The following DLG5 variants were observed in gnomAD, a reference collection of about 807,000 sequenced individuals.
DLG5 encodes discs large MAGUK scaffold protein 5, also known as disks large homolog 5.
In DLG5, 48 loss-of-function variants were observed where a neutral mutation model predicts 189.8. The ratio of observed to expected loss-of-function variants is 0.25; its 90% confidence interval spans 0.20 to 0.32. The LOEUF (loss-of-function observed/expected upper bound fraction) is 0.32. Ranked by LOEUF, DLG5 falls within the 10% of genes least tolerant of loss-of-function variation. DLG5 has a pLI of 1.00. For synonymous variants in DLG5, 1,016 were observed against 1,054.1 expected (o/e 0.96, Z 0.70); for missense variants, 2,160 against 2,544.7 (o/e 0.85, Z 3.25).
In DLG5 at chr10:77,792,281, G is replaced by A. The variant is rs957350577; in HGVS notation, c.*159C>T. On this transcript the variant is annotated 3_prime_UTR_variant, in exon 32 of 32. Coordinates refer to ENST00000372391, the MANE Select transcript of DLG5 (RefSeq NM_004747.4). ...TGGGCCTGGATCGCACGCAGCCGTG[G>A]CCCTCTGTCTACAAAGGAGGTGCTT... The A allele has an allele frequency of 5.7e-6, 4 of 702,786 alleles. No individual in the cohort carries two copies. The African/African-American group carries it at 7.1e-5, about 12-fold the overall frequency. The allele number at this position is 702,786 out of a possible 1,614,324, so 43.5% of individuals were successfully genotyped here. A position where few individuals can be genotyped will look rare whatever the true frequency, so the allele number is the denominator to read the frequency against.
chr10:77,863,870 C>G (rs1324529578), intron 2 of DLG5, among the ~76,000 whole-genome samples: 1 of 152,162 alleles, frequency 6.6e-6, no homozygotes, highest in Admixed American at 6.5e-5. Context: ...GCTCTTTTCA[C>G]CCCCATTTTG....
chr10:77,802,518 AG>A (rs1449435352), intron 27 of DLG5, among the ~76,000 whole-genome samples: 2 of 152,388 alleles, frequency 1.3e-5, no homozygotes, highest in East Asian at 3.9e-4. Context: ...GAAATGTAAA[AG>A]GCAAAAACCG....
At chr10:77,822,469 C>T (rs1842418923) in intron 14 of DLG5, among the ~76,000 whole-genome samples, 1 of 152,056 alleles carries the variant, frequency 6.6e-6, no homozygotes, top group Admixed American at 6.5e-5. Flanking sequence ...TATGGTGAAA[C>T]CCCATCTATA....
chr10:77,880,848 C>A (rs1237022721), intron 1 of DLG5, among the ~76,000 whole-genome samples: 3 of 151,988 alleles, frequency 2.0e-5, no homozygotes, highest in African/African-American at 7.2e-5. Context: ...TATCAACTCA[C>A]CTTCTAGATG....
chr10:77,821,163 C>G lies in DLG5; in HGVS notation c.3321G>C (p.Gly1107=). 1 of 1,614,168 alleles carries G rather than the reference C, an allele frequency of 6.2e-7. No individual in the cohort carries two copies. The highest frequency in any genetic ancestry group is 8.5e-7 in the Non-Finnish European group (1 of 1,180,056). Reference sequence around the variant, plus strand: ...CAGATTTTGGCCGGCGACGCTTCTGCCCCAGCTCATCCACCTTCTGGGAGG... The same window carrying G: ...CAGATTTTGGCCGGCGACGCTTCTGGCCCAGCTCATCCACCTTCTGGGAGG... The part of the protein sequence containing the change: ...DLTSQKVDEL[G]QKRRRPKSAP... The change falls in exon 15 of 32, where the codon GGG becomes GGC. Residue 1107 remains glycine, a synonymous_variant. Coordinates refer to ENST00000372391, the MANE Select transcript of DLG5 (RefSeq NM_004747.4).
At chr10:77,807,650 G>A in intron 25 of DLG5, 146 bp downstream of exon 25, 1 of 933,902 alleles carries the variant, frequency 1.1e-6, no homozygotes, top group African/African-American at 1.7e-5. Context: ...ACATAAATAA[G>A]CGTGCAGATT....
At chr10:77,872,968 C>T (rs943834439) in intron 1 of DLG5, among the ~76,000 whole-genome samples, 2 of 151,636 alleles carry the variant, frequency 1.3e-5, no homozygotes, top group African/African-American at 4.9e-5. Context: ...TTCTCTACCT[C>T]ACAGAGTGCC....
At position 77,812,166 on chromosome 10, in the gene DLG5, G is replaced by A. The variant is rs746768365; in HGVS notation, c.4188+49C>T. On this transcript the variant is annotated intron_variant, in intron 21 of 31. Transcript: ENST00000372391. ...TTCCCTAGGAGGAGGAGAGGGGGAA[G>A]AAGTGCAGGTTTCCATGGGCGCCAT... 6 of 1,599,274 alleles carry A rather than the reference G, an allele frequency of 3.8e-6. No individual in the cohort carries two copies. In the South Asian group the frequency reaches 6.6e-5, roughly 18 times the overall value.
intron 5 of DLG5, among the ~76,000 whole-genome samples, chr10:77,848,501 A>G (rs1843800675): frequency 2.0e-5 from 3 of 152,170 alleles, no homozygotes. Context: ...TTCTACCTGT[A>G]AGGCTCAAAC....
At chr10:77,822,301 T>G (rs1024130197) in intron 14 of DLG5, among the ~76,000 whole-genome samples, 200 bp from the exon 15 acceptor site, 13 of 152,180 alleles carry the variant, frequency 8.5e-5, no homozygotes, top group Non-Finnish European at 1.6e-4. Flanking sequence ...ATGGCTCTGG[T>G]CACTCTGAAC....
chr10:77,934,597 G>T, the DLG5 span, among the ~76,000 whole-genome samples: 2 of 152,088 alleles, frequency 1.3e-5, no homozygotes, highest in African/African-American at 2.4e-5. Flanking sequence ...CCACATGCAA[G>T]GAGCTAAGAG....
chr10:77,904,932 C>A (rs1056307444), intron 1 of DLG5, among the ~76,000 whole-genome samples: 4 of 151,496 alleles, frequency 2.6e-5, no homozygotes, highest in African/African-American at 9.7e-5. Context: ...AGTTTGAGAC[C>A]AGCCTGACCA....
chr10:77,842,034 C>G lies in DLG5; in HGVS notation c.1284G>C (p.Val428=). ...TCATGATGAGCTTGTACTCGCTGTA[C>G]ACAGCGTCCCGCTCCTCCCTGTATT... The part of the protein sequence containing the change: ...SEKYREERDA[V]YSEYKLIMSE... Residue 428 remains valine, a synonymous_variant, in exon 7 of 32, where the codon GTG becomes GTC. Transcript: ENST00000372391. 1 of 1,614,218 alleles carries G rather than the reference C, an allele frequency of 6.2e-7. No individual in the cohort carries two copies. Among genetic ancestry groups the G allele is most frequent in the Non-Finnish European group, 8.5e-7 (1 of 1,180,054 alleles).
Position 77,878,110 on chromosome 10 carries a change from A to C in DLG5, c.305-8913T>G, listed in dbSNP as rs373572897. ...TCTGGCCCGGTGCTCAATTTCCACT[A>C]GTCAGTAAATGGAGAAGAGGCTGCC... On this transcript the variant is annotated intron_variant, in intron 1 of 31. Transcript: ENST00000372391. Among the ~76,000 whole-genome samples, 17 of 152,128 alleles carry C rather than the reference A, an allele frequency of 1.1e-4. No individual in the cohort carries two copies. The East Asian group carries it at 1.9e-3, about 17-fold the overall frequency.
chr10:77,899,189 GCCAGGCAGCCAT>G (rs1362413846), intron 1 of DLG5, among the ~76,000 whole-genome samples: 1 of 152,156 alleles, frequency 6.6e-6, no homozygotes, highest in East Asian at 1.9e-4. Flanking sequence ...CAGCATCCAG[GCCAGGCAGCCAT>G]CCAGGCCCTC....
intron 3 of DLG5, among the ~76,000 whole-genome samples, chr10:77,855,070 ACT>A (rs1168327761): frequency 6.6e-6 from 1 of 152,166 alleles, no homozygotes; most frequent in Non-Finnish European, 1.5e-5. Context: ...TAGAACAATG[ACT>A]CTCAATCTTG....
intron 1 of DLG5, among the ~76,000 whole-genome samples, chr10:77,907,415 T>TA (rs1846098486): frequency 2.0e-5 from 3 of 152,000 alleles, no homozygotes. Context: ...CCTGTCTCTA[T>TA]AAAAAATACA....
At chr10:77,939,405 G>T in the DLG5 span, among the ~76,000 whole-genome samples, 2 of 152,154 alleles carry the variant, frequency 1.3e-5, no homozygotes, top group Non-Finnish European at 2.9e-5. Flanking sequence ...GAAGAGACGG[G>T]TGTAGCTTGG....
At chr10:77,871,975 C>A (rs901913194) in intron 1 of DLG5, among the ~76,000 whole-genome samples, 10 of 152,200 alleles carry the variant, frequency 6.6e-5, no homozygotes, top group African/African-American at 2.4e-4. Context: ...GAACCCAACA[C>A]AATGCCTATT....
Sources: allele counts gnomAD v4.1 joint callset (sites outside exome capture counted in the v4.1 genomes callset), GRCh38; gene constraint gnomAD v4.1.1; transcripts MANE v1.5; gene names NCBI Gene and HGNC (gene_info 2026-07-23, HGNC 2026-07-21).